DNMT3A: variants seen among roughly 807,000 people sequenced by gnomAD.
The protein encoded by DNMT3A is DNA (cytosine-5)-methyltransferase 3A.
Under a neutral mutation model 117.6 loss-of-function variants are expected in DNMT3A, and 267 were observed. The observed-to-expected ratio is 2.27, with a 90% CI of 2.05 to 2.51. DNMT3A has a LOEUF of 2.51. DNMT3A is among the 30% of genes most tolerant of loss of function. DNMT3A has a pLI of 0.00. For synonymous variants in DNMT3A, 432 were observed against 474.8 expected (o/e 0.91, Z 1.17); for missense variants, 1,029 against 1,260.2 (o/e 0.82, Z 2.78).
chr2:25,251,900 G>A, intron 6 of DNMT3A: 1 of 468,122 alleles, frequency 2.1e-6, no homozygotes, highest in Non-Finnish European at 3.8e-6. Flanking sequence ...GCGTGCCCCA[G>A]CCTGCAGTTA....
intron 4 of DNMT3A, among the ~76,000 whole-genome samples, chr2:25,279,533 C>T (rs1331878395): frequency 6.6e-6 from 1 of 152,166 alleles, no homozygotes; most frequent in African/African-American, 2.4e-5. Flanking sequence ...GAGCCTAGGC[C>T]ACTGCCCACC....
Position 25,236,422 on chromosome 2 carries a change from G to T in DNMT3A, c.2478+514C>A, listed in dbSNP as rs1673377636. ...CACTGTACTTTCCAAGTCTTCCAAA[G>T]AATTAGTTCTTTCAGAGATGGAGTA... On this transcript the variant is annotated intron_variant, in intron 21 of 22. Transcript: ENST00000321117. The surrounding 1 kb of genome is among the most constrained non-coding windows in gnomAD (Gnocchi z 4.5). Among the ~76,000 whole-genome samples, 1 of 152,170 alleles carries T rather than the reference G, an allele frequency of 6.6e-6. No individual in the cohort carries two copies. Among genetic ancestry groups the T allele is most frequent in the African/African-American group, 2.4e-5 (1 of 41,448 alleles).
intron 1 of DNMT3A, among the ~76,000 whole-genome samples, chr2:25,326,538 T>C (rs1431484518): frequency 6.6e-6 from 1 of 152,178 alleles, no homozygotes; most frequent in African/African-American, 2.4e-5. Flanking sequence ...TTTAACTACT[T>C]TTCCTTTGTC....
chr2:25,249,887 C>T (rs1255345969), intron 6 of DNMT3A, among the ~76,000 whole-genome samples: 2 of 152,192 alleles, frequency 1.3e-5, no homozygotes, highest in Non-Finnish European at 2.9e-5. Flanking sequence ...TTCAAAAGAG[C>T]TCCCCCATGG....
chr2:25,311,671 C>G lies in DNMT3A; in HGVS notation c.72+2242G>C, dbSNP rs530656034. On this transcript the variant is annotated intron_variant, in intron 2 of 22. Transcript: ENST00000321117. This position sits in a 1 kb window ranked among gnomAD's most constrained non-coding sequence, Gnocchi z 5.2. ...TAGATAATAATAGCAATCGTAATCC[C>G]TCATAATTGGACCAGACTTTGCTGT... Among the ~76,000 whole-genome samples, 5 of 152,286 alleles carry G rather than the reference C, an allele frequency of 3.3e-5. No homozygotes were observed. Among genetic ancestry groups the G allele is most frequent in the Admixed American group, 3.3e-4 (5 of 15,304 alleles).
intron 1 of DNMT3A, among the ~76,000 whole-genome samples, chr2:25,340,251 G>T (rs915407986): frequency 2.6e-5 from 4 of 152,246 alleles, no homozygotes; most frequent in South Asian, 2.1e-4. Flanking sequence ...CAGCCCCTGG[G>T]AACCAGAGGG....
chr2:25,277,036 A>G (rs2031475689), intron 4 of DNMT3A, among the ~76,000 whole-genome samples: 1 of 151,680 alleles, frequency 6.6e-6, no homozygotes, highest in African/African-American at 2.4e-5. Flanking sequence ...CCCGCTAGCT[A>G]GGCCCGGGAG....
chr2:25,239,709 C>G (rs1229324896), intron 19 of DNMT3A, among the ~76,000 whole-genome samples: 1 of 152,190 alleles, frequency 6.6e-6, no homozygotes, highest in East Asian at 1.9e-4. Context: ...CTCACACTTA[C>G]AGTCAGAACA....
Position 25,275,080 on chromosome 2 carries a change from C to CG in DNMT3A, c.499dup (p.Arg167ProfsTer49). On this transcript the variant is annotated frameshift_variant, in exon 6 of 23. Coordinates refer to ENST00000321117, the MANE Select transcript of DNMT3A (RefSeq NM_022552.5). LOFTEE classifies it high-confidence loss of function. ...GCCCAAGCCACCCCGCAGCCGGCCC[C>CG]GGGAGCCCTAGGACAGAGAGACAGA... 6.3e-7 allele frequency: 1 copy of CG among 1,585,132 alleles called. No homozygotes were observed. The highest frequency in any genetic ancestry group is 1.3e-5 in the African/African-American group (1 of 74,540).
At chr2:25,259,752 A>G (rs912478043) in intron 6 of DNMT3A, among the ~76,000 whole-genome samples, 1 of 152,058 alleles carries the variant, frequency 6.6e-6, no homozygotes, top group Admixed American at 6.5e-5. Context: ...TCCAGGGGTC[A>G]AAGGGAGGGG....
Position 25,337,157 on chromosome 2 carries a change from G to A in DNMT3A, c.-178+4669C>T, listed in dbSNP as rs1253933319. Among the ~76,000 whole-genome samples the A allele has an allele frequency of 6.6e-6, 1 of 152,184 alleles. No individual in the cohort carries two copies. The highest frequency in any genetic ancestry group is 2.4e-5 in the African/African-American group (1 of 41,422). On this transcript the variant is annotated intron_variant, in intron 1 of 22. Transcript: ENST00000321117. The surrounding 1 kb of genome is among the most constrained non-coding windows in gnomAD (Gnocchi z 5.0). ...GAAACTACAGCGGGAGGGATTTCAG[G>A]TGGAAGCAAAACAACCTGTTGACAC... is the stretch of plus-strand genomic sequence containing the variant.
At position 25,311,604 on chromosome 2, in the gene DNMT3A, G is replaced by T. The variant is rs2034124637; in HGVS notation, c.72+2309C>A. On this transcript the variant is annotated intron_variant, in intron 2 of 22. Transcript: ENST00000321117. This position sits in a 1 kb window ranked among gnomAD's most constrained non-coding sequence, Gnocchi z 5.2. Reference sequence around the variant, plus strand: ...TATCAGCACCGGGATCTAGGGCTGGGTGTGTGTTTGTTGCCGCTTGAGCCA... The same window carrying T: ...TATCAGCACCGGGATCTAGGGCTGGTTGTGTGTTTGTTGCCGCTTGAGCCA... Among the ~76,000 whole-genome samples the T allele has an allele frequency of 1.3e-5, 2 of 152,202 alleles. No individual in the cohort carries two copies. The highest frequency in any genetic ancestry group is 4.8e-5 in the African/African-American group (2 of 41,440).
Position 25,284,326 on chromosome 2 carries a change from T to C in DNMT3A, c.178-1615A>G, listed in dbSNP as rs944602202. Among the ~76,000 whole-genome samples, 36 of 152,110 alleles carry C rather than the reference T, an allele frequency of 2.4e-4. 1 individual carries two copies. The highest frequency in any genetic ancestry group is 8.2e-4 in the African/African-American group (34 of 41,506). ...TTTCTTGTCTTTTTTTTTCTACTTA[T>C]AAAAGTCAGTCACATATATCATAAA... On this transcript the variant is annotated intron_variant, in intron 3 of 22. Transcript: ENST00000321117.
chr2:25,240,580 G>A, intron 18 of DNMT3A, 60 bp downstream of exon 18: 1 of 1,607,346 alleles, frequency 6.2e-7, no homozygotes, highest in Non-Finnish European at 8.5e-7. Flanking sequence ...AATATCCAAG[G>A]AGGAAGCCTA....
chr2:25,288,052 A>G (rs1225405443), intron 3 of DNMT3A, among the ~76,000 whole-genome samples: 1 of 151,220 alleles, frequency 6.6e-6, no homozygotes, highest in Non-Finnish European at 1.5e-5. Context: ...TCCAGGCTGG[A>G]TTCAAACTCC....
In DNMT3A at chr2:25,246,269, C is replaced by T. The variant is rs866490834; in HGVS notation, c.1320G>A (p.Trp440Ter). The T allele has an allele frequency of 4.3e-6, 7 of 1,613,778 alleles. No individual in the cohort carries two copies. The highest frequency in any genetic ancestry group is 1.7e-5 in the Admixed American group (1 of 59,978). ...NPYKEVYTDM[W>*]VEPEAAAYAP... Reference sequence around the variant, plus strand: ...CGTAGGCAGCTGCCTCAGGTTCCACCCACATGTCCGTGTACACTTCTTTGT... The same window carrying T: ...CGTAGGCAGCTGCCTCAGGTTCCACTCACATGTCCGTGTACACTTCTTTGT... The change falls in exon 11 of 23, where the codon TGG becomes TGA. Residue 440 changes from tryptophan to a stop codon, truncating the protein, a stop_gained. Transcript: ENST00000321117. LOFTEE classifies it high-confidence loss of function.
intron 6 of DNMT3A, among the ~76,000 whole-genome samples, chr2:25,268,635 T>C (rs2030582819): frequency 6.6e-6 from 1 of 152,160 alleles, no homozygotes; most frequent in Non-Finnish European, 1.5e-5. Flanking sequence ...CCTGGCCAGC[T>C]CTGCCAGGCC....
intron 6 of DNMT3A, among the ~76,000 whole-genome samples, chr2:25,272,591 G>A (rs1289562508): frequency 6.6e-6 from 1 of 152,190 alleles, no homozygotes; most frequent in African/African-American, 2.4e-5. Flanking sequence ...ACCCAGGAGT[G>A]CAGCGACTGA....
intron 16 of DNMT3A, 183 bp from the exon 17 acceptor site, chr2:25,241,890 G>A (rs912482578): frequency 2.2e-5 from 16 of 743,410 alleles, no homozygotes; most frequent in East Asian, 3.0e-5. Context: ...TAAGGACATC[G>A]AGGCTCTGTC....
Sources: allele counts gnomAD v4.1 joint callset (sites outside exome capture counted in the v4.1 genomes callset), GRCh38; gene constraint gnomAD v4.1.1; non-coding constraint Gnocchi (gnomAD v3.1); transcripts MANE v1.5; gene names NCBI Gene and HGNC (gene_info 2026-07-23, HGNC 2026-07-21).